Variants in ARID4A observed in about 807,000 individuals in gnomAD.
ARID4A encodes AT-rich interaction domain 4A, also known as AT-rich interactive domain-containing protein 4A.
In ARID4A, 39 loss-of-function variants were observed where a neutral mutation model predicts 148.6. That is an observed-to-expected ratio of 0.26 (90% CI 0.20 to 0.34). ARID4A has a LOEUF of 0.34. ARID4A is among the 10% of genes least tolerant of loss of function. The probability of loss-of-function intolerance (pLI) is 1.00; values close to 1 mark genes in which losing one functional copy is unlikely to be tolerated. For synonymous variants in ARID4A, 475 were observed against 481.2 expected (o/e 0.99, Z 0.17); for missense variants, 1,265 against 1,449.1 (o/e 0.87, Z 2.06).
rs1204229053 is a variant in ARID4A at position 58,366,117 on chromosome 14, T to C, written c.3410T>C (p.Leu1137Pro). ...KHLNVSKPQK[L>P]ARSPARISPH... The stretch of plus-strand genomic sequence containing the variant: ...CTTAATGTATCTAAGCCACAGAAAC[T>C]TGCACGATCTCCTGCAAGAATATCC... The change falls in exon 22 of 24, where the codon CTT (leucine) becomes CCT (proline). Residue 1137 changes from leucine to proline, a missense_variant. Leu to Pro is a moderately conservative substitution (Grantham distance 98). Coordinates refer to ENST00000355431, the MANE Select transcript of ARID4A (RefSeq NM_002892.4). 6.2e-7 allele frequency: 1 copy of C among 1,613,852 alleles called. No individual in the cohort carries two copies. Among genetic ancestry groups the C allele is most frequent in the Non-Finnish European group, 8.5e-7 (1 of 1,179,790 alleles).
chr14:58,303,534 C>G (rs768005486), intron 3 of ARID4A: 1 of 470,742 alleles, frequency 2.1e-6, no homozygotes, highest in South Asian at 1.5e-5. Context: ...TGTTTTCCTA[C>G]CAGAATTAAG....
At chr14:58,338,024 T>A (rs2033918125) in intron 11 of ARID4A, among the ~76,000 whole-genome samples, 1 of 152,214 alleles carries the variant, frequency 6.6e-6, no homozygotes, top group Non-Finnish European at 1.5e-5. Flanking sequence ...ACTTAGATAT[T>A]GTTCAGAAGG....
intron 3 of ARID4A, among the ~76,000 whole-genome samples, chr14:58,303,338 AT>A: frequency 6.6e-6 from 1 of 152,154 alleles, no homozygotes; most frequent in Non-Finnish European, 1.5e-5. Flanking sequence ...AAACAATGTG[AT>A]ATAGCATTGT....
intron 11 of ARID4A, among the ~76,000 whole-genome samples, chr14:58,341,837 C>A (rs981211458): frequency 2.0e-5 from 3 of 152,168 alleles, no homozygotes; most frequent in Non-Finnish European, 4.4e-5. Flanking sequence ...TGGCATTTTA[C>A]TGGGTGCATA....
At chr14:58,306,839 A>C (rs769716165) in intron 5 of ARID4A, among the ~76,000 whole-genome samples, 5 of 152,342 alleles carry the variant, frequency 3.3e-5, no homozygotes, top group Non-Finnish European at 7.3e-5. Flanking sequence ...AGATCATGCC[A>C]CTGCACTCCA....
At chr14:58,354,510 C>A (rs2034782935) in intron 17 of ARID4A, among the ~76,000 whole-genome samples, 1 of 151,614 alleles carries the variant, frequency 6.6e-6, no homozygotes, top group South Asian at 2.1e-4. Context: ...TAGTTAGACC[C>A]CCATCTCTAC....
intron 6 of ARID4A, 36 bp from the exon 7 acceptor site, chr14:58,318,675 G>A (rs764114966): frequency 6.2e-7 from 1 of 1,613,120 alleles, no homozygotes; most frequent in African/African-American, 1.3e-5. Flanking sequence ...TGATCTAGAG[G>A]TAAAACGTAA....
At chr14:58,352,711 A>G (rs2034693013) in intron 16 of ARID4A, among the ~76,000 whole-genome samples, 1 of 152,152 alleles carries the variant, frequency 6.6e-6, no homozygotes, top group Non-Finnish European at 1.5e-5. Context: ...GGGATCACCA[A>G]AATAATGCCC....
Position 58,299,520 on chromosome 14 carries a change from G to A in ARID4A, c.-57-278G>A. The A allele has an allele frequency of 7.0e-6, 3 of 428,068 alleles. No individual in the cohort carries two copies. In the East Asian group the frequency reaches 1.3e-4, roughly 18 times the overall value. The allele number at this position is 428,068 out of a possible 1,614,324, so 26.5% of individuals were successfully genotyped here. On this transcript the variant is annotated intron_variant, in intron 1 of 23. Coordinates refer to ENST00000355431, the MANE Select transcript of ARID4A (RefSeq NM_002892.4). ...GGCCTTTTCCGGAGCTATCTGTCCT[G>A]GAGCTCCGAGTTGAGCATTCCGGGT...
Position 58,347,744 on chromosome 14 carries a change from T to G in ARID4A, c.1270T>G (p.Leu424Val), listed in dbSNP as rs1335674847. 2.5e-6 allele frequency: 4 copies of G among 1,613,566 alleles called. No individual in the cohort carries two copies. Among genetic ancestry groups the G allele is most frequent in the African/African-American group, 2.7e-5 (2 of 74,886 alleles). Reference protein sequence around the residue: ...EPKVKEEKKDLEESMEEALKL... With the variant: ...EPKVKEEKKDVEESMEEALKL... Reference sequence around the variant, plus strand: ...AAAAGTAAAAGAGGAAAAAAAAGACTTAGAAGAATCAATGGAAGAGGCTCT... The same window carrying G: ...AAAAGTAAAAGAGGAAAAAAAAGACGTAGAAGAATCAATGGAAGAGGCTCT... The change falls in exon 15 of 24, where the codon TTA becomes GTA. Residue 424 changes from leucine (L) to valine (V), a missense_variant. Physicochemically the swap from Leu to Val is conservative, Grantham distance 32 (BLOSUM62 1). This residue lies in a region of ARID4A where 205 missense variants were observed against 196.9 expected (regional missense o/e 1.04). Coordinates refer to ENST00000355431, the MANE Select transcript of ARID4A (RefSeq NM_002892.4).
intron 21 of ARID4A, among the ~76,000 whole-genome samples, 164 bp downstream of exon 21, chr14:58,365,786 G>C (rs2035335456): frequency 6.6e-6 from 1 of 151,592 alleles, no homozygotes; most frequent in Admixed American, 6.6e-5. Flanking sequence ...AGGAACTCTA[G>C]CTCATTCTTT....
chr14:58,360,249 G>T (rs748373591), intron 18 of ARID4A, among the ~76,000 whole-genome samples: 1 of 152,106 alleles, frequency 6.6e-6, no homozygotes, highest in African/African-American at 2.4e-5. Context: ...AAAGTAGGAC[G>T]AACCGTGACA....
intron 9 of ARID4A, 99 bp downstream of exon 9, chr14:58,328,415 C>G (rs2033335038): frequency 1.3e-6 from 1 of 792,960 alleles, no homozygotes; most frequent in Non-Finnish European, 2.0e-6. Flanking sequence ...TTTTAAAAGT[C>G]TAATCATTCA....
chr14:58,368,363 G>A (rs2035450494), intron 23 of ARID4A, among the ~76,000 whole-genome samples: 1 of 152,138 alleles, frequency 6.6e-6, no homozygotes, highest in South Asian at 2.1e-4. Context: ...CTATTTGGAT[G>A]TTCCTGAAAC....
chr14:58,311,786 C>A (rs1026577090), intron 5 of ARID4A, among the ~76,000 whole-genome samples: 7 of 152,036 alleles, frequency 4.6e-5, no homozygotes, highest in African/African-American at 1.2e-4. Context: ...ACATTTCTTA[C>A]AACATGGTTG....
At position 58,352,349 on chromosome 14, in the gene ARID4A, TAGG is replaced by T. The variant is rs564407894; in HGVS notation, c.1655+1031_1655+1033del. 2.4e-4 allele frequency among the ~76,000 whole-genome samples: 37 copies of T among 152,222 alleles called. No individual in the cohort carries two copies. In the South Asian group the frequency reaches 5.0e-3, roughly 20 times the overall value. On this transcript the variant is annotated intron_variant, in intron 16 of 23. Coordinates refer to ENST00000355431, the MANE Select transcript of ARID4A (RefSeq NM_002892.4). Reference sequence around the variant, plus strand: ...GAAATATAATTAGGATTAGGAAAAGTAGGAGGAACTAATTGGAGTTGAGTATAG... The same window carrying T: ...GAAATATAATTAGGATTAGGAAAAGTAGGAACTAATTGGAGTTGAGTATAG...
intron 21 of ARID4A, 93 bp from the exon 22 acceptor site, chr14:58,365,931 A>G: frequency 9.0e-7 from 1 of 1,111,372 alleles, no homozygotes; most frequent in Non-Finnish European, 1.3e-6. Context: ...TTATTTCTGT[A>G]GGATACCAAG....
At chr14:58,350,781 G>A (rs1690924231) in intron 15 of ARID4A, among the ~76,000 whole-genome samples, 1 of 152,102 alleles carries the variant, frequency 6.6e-6, no homozygotes, top group Admixed American at 6.6e-5. Flanking sequence ...GTAAACAAAG[G>A]AGAAAATTTT....
intron 13 of ARID4A, among the ~76,000 whole-genome samples, chr14:58,346,708 G>T (rs2034380667): frequency 1.3e-5 from 2 of 151,312 alleles, no homozygotes; most frequent in Admixed American, 6.6e-5. Context: ...CGGGTGGATT[G>T]CTTAAGCTCA....
Sources: gnomAD v4.1 joint callset for allele counts (sites outside exome capture counted in the v4.1 genomes callset) on GRCh38, gnomAD v4.1.1 for gene constraint, gnomAD v4.1.1 regional missense constraint, MANE v1.5 for transcripts, NCBI Gene and HGNC (gene_info 2026-07-23, HGNC 2026-07-21) for gene names.